PLXDC2: variants seen among roughly 807,000 people sequenced by gnomAD.
PLXDC2 encodes plexin domain-containing protein 2.
PLXDC2 carries 40 observed loss-of-function variants against 68.9 expected under a neutral mutation model. The ratio of observed to expected loss-of-function variants is 0.58; its 90% CI spans 0.45 to 0.76. The LOEUF is 0.76. Ranked by LOEUF, PLXDC2 falls within the 30% of genes least tolerant of loss-of-function variation. PLXDC2 has a pLI of 0.00. For synonymous variants in PLXDC2, 243 were observed against 234.2 expected, an observed-to-expected ratio of 1.04 and a Z score of -0.34; for missense variants, 644 against 661.9, an observed-to-expected ratio of 0.97 and a Z score of 0.30.
chr10:20,281,435 G>GGTCTCAAGAAGCAGAGAT lies in PLXDC2; in HGVS notation c.*1623_*1640dup, dbSNP rs1402760022. ...ACAGTGCTCAACATTTGCAGATTCA[G>GGTCTCAAGAAGCAGAGAT]GTCTCAAGAAGCAGAGATGTCTCAT... is the stretch of plus-strand genomic sequence containing the variant. On this transcript the variant is annotated 3_prime_UTR_variant, in exon 14 of 14. Transcript: ENST00000377252. The GGTCTCAAGAAGCAGAGAT allele has an allele frequency of 6.6e-6, 1 of 152,106 alleles. No homozygotes were observed. Among genetic ancestry groups the GGTCTCAAGAAGCAGAGAT allele is most frequent in the African/African-American group, 2.4e-5 (1 of 41,422 alleles). 9.4% of individuals were successfully genotyped at this position (152,106 alleles called of 1,614,324 possible).
intron 1 of PLXDC2, among the ~76,000 whole-genome samples, chr10:19,949,472 A>G (rs1394782114): frequency 6.6e-6 from 1 of 152,162 alleles, no homozygotes; most frequent in Non-Finnish European, 1.5e-5. Context: ...AAAACTACTA[A>G]TAGGAATAGG....
At chr10:20,042,924 T>A (rs1049411344) in intron 2 of PLXDC2, among the ~76,000 whole-genome samples, 2 of 152,208 alleles carry the variant, frequency 1.3e-5, no homozygotes, top group Non-Finnish European at 2.9e-5. Context: ...AACAGTTGGT[T>A]TCCTAAATGA....
At chr10:19,988,236 C>T (rs1217077395) in intron 1 of PLXDC2, among the ~76,000 whole-genome samples, 2 of 152,150 alleles carry the variant, frequency 1.3e-5, no homozygotes, top group Non-Finnish European at 2.9e-5. Flanking sequence ...TTGGAAAATA[C>T]CTGATATGTG....
At chr10:19,908,452 AAGT>A (rs138031239) in intron 1 of PLXDC2, among the ~76,000 whole-genome samples, 10,984 of 152,240 alleles carry the variant, frequency 0.072, 494 homozygotes, top group Non-Finnish European at 0.1. Context: ...GTACTGCTGA[AAGT>A]TTATATCTAA....
At chr10:19,873,971 C>T (rs1247012200) in intron 1 of PLXDC2, among the ~76,000 whole-genome samples, 1 of 152,080 alleles carries the variant, frequency 6.6e-6, no homozygotes, top group Non-Finnish European at 1.5e-5. Flanking sequence ...TTTCCATACT[C>T]TTAAAACTTC....
chr10:20,279,915 A>C lies in PLXDC2; in HGVS notation c.*96A>C. The C allele has an allele frequency of 2.2e-6, 2 of 889,538 alleles. No individual in the cohort carries two copies. The highest frequency in any genetic ancestry group is 3.7e-6 in the Non-Finnish European group (2 of 545,790). The allele number at this position is 889,538 out of a possible 1,614,324, so 55.1% of individuals were successfully genotyped here. On this transcript the variant is annotated 3_prime_UTR_variant, in exon 14 of 14. Transcript: ENST00000377252. Reference sequence around the variant, plus strand: ...AGACAAACAAACAAACACACACACAAACAAGCTCTAAGCTGCTGTAGCCTG... The same window carrying C: ...AGACAAACAAACAAACACACACACACACAAGCTCTAAGCTGCTGTAGCCTG...
At chr10:19,844,151 G>T in intron 1 of PLXDC2, among the ~76,000 whole-genome samples, 1 of 152,254 alleles carries the variant, frequency 6.6e-6, no homozygotes, top group Non-Finnish European at 1.5e-5. Context: ...TGTTCTCAAC[G>T]TCAATTACCT....
At chr10:19,839,550 G>A (rs1011978685) in intron 1 of PLXDC2, among the ~76,000 whole-genome samples, 1 of 151,882 alleles carries the variant, frequency 6.6e-6, no homozygotes, top group Non-Finnish European at 1.5e-5. Flanking sequence ...TATTAATTCT[G>A]TGTACTTGGG....
intron 13 of PLXDC2, 110 bp downstream of exon 13, chr10:20,245,615 C>A (rs748051844): frequency 6.2e-6 from 8 of 1,291,210 alleles, no homozygotes; most frequent in Non-Finnish European, 8.5e-6. Flanking sequence ...TTTTTCAGTT[C>A]AAGCTTTCTG....
intron 1 of PLXDC2, among the ~76,000 whole-genome samples, chr10:19,839,447 C>T (rs918985921): frequency 2.0e-5 from 3 of 152,216 alleles, no homozygotes; most frequent in East Asian, 1.9e-4. Flanking sequence ...CAATGTGGCC[C>T]AGGGAAGCCA....
At chr10:20,126,244 C>T (rs1018101854) in intron 4 of PLXDC2, among the ~76,000 whole-genome samples, 1 of 145,670 alleles carries the variant, frequency 6.9e-6, no homozygotes, top group Admixed American at 6.9e-5. Flanking sequence ...TTGTATAATA[C>T]ATATATACAT....
chr10:20,255,401 T>C lies in PLXDC2; in HGVS notation c.1473+9896T>C, dbSNP rs183104971. 3.7e-3 allele frequency among the ~76,000 whole-genome samples: 556 copies of C among 152,284 alleles called. 4 individuals carry two copies. Among genetic ancestry groups the C allele is most frequent in the Non-Finnish European group, 4.8e-3 (324 of 67,984 alleles). Reference sequence around the variant, plus strand: ...TTCTGTTACCTCTTGAAGAGACTACTCTACTGACAGTACCAACTGTTGAAT... The same window carrying C: ...TTCTGTTACCTCTTGAAGAGACTACCCTACTGACAGTACCAACTGTTGAAT... On this transcript the variant is annotated intron_variant, in intron 13 of 13. Coordinates refer to ENST00000377252, the MANE Select transcript of PLXDC2 (RefSeq NM_032812.9).
chr10:20,134,705 A>G (rs572156178), intron 4 of PLXDC2, among the ~76,000 whole-genome samples: 7 of 152,268 alleles, frequency 4.6e-5, no homozygotes, highest in South Asian at 2.1e-4. Context: ...AGGCCAAACT[A>G]CTTTGTACCG....
intron 4 of PLXDC2, among the ~76,000 whole-genome samples, chr10:20,138,428 G>A (rs898888952): frequency 2.6e-5 from 4 of 152,164 alleles, no homozygotes; most frequent in African/African-American, 9.7e-5. Flanking sequence ...TGTATCTTTT[G>A]TAAGGCTGGA....
At chr10:20,266,287 T>TA (rs140408642) in intron 13 of PLXDC2, among the ~76,000 whole-genome samples, 2,225 of 150,222 alleles carry the variant, frequency 0.015, 49 homozygotes, top group African/African-American at 0.05. Context: ...TTGAGCAAAG[T>TA]AAAATCAAAG....
intron 6 of PLXDC2, among the ~76,000 whole-genome samples, chr10:20,158,370 A>G (rs896214237): frequency 1.3e-4 from 18 of 143,990 alleles, no homozygotes; most frequent in African/African-American, 4.6e-4. Context: ...CTAAATAGCT[A>G]TACTTCTAAA....
chr10:19,923,665 A>G (rs184145491), intron 1 of PLXDC2, among the ~76,000 whole-genome samples: 7 of 152,334 alleles, frequency 4.6e-5, no homozygotes, highest in Admixed American at 4.6e-4. Context: ...TTCATGTGAA[A>G]AGATTGATTT....
chr10:20,001,556 C>G (rs1834938284), intron 1 of PLXDC2, among the ~76,000 whole-genome samples: 1 of 152,238 alleles, frequency 6.6e-6, no homozygotes, highest in African/African-American at 2.4e-5. Context: ...AAGATCTGCC[C>G]GTTAACCACT....
intron 6 of PLXDC2, among the ~76,000 whole-genome samples, chr10:20,163,525 T>C (rs1228540313): frequency 1.3e-5 from 2 of 152,166 alleles, no homozygotes; most frequent in African/African-American, 4.8e-5. Flanking sequence ...TCTAATATAT[T>C]ATTTAATGAA....
Sources: gnomAD v4.1 joint callset for allele counts (sites outside exome capture counted in the v4.1 genomes callset) on GRCh38, gnomAD v4.1.1 for gene constraint, MANE v1.5 for transcripts, NCBI Gene and HGNC (gene_info 2026-07-23, HGNC 2026-07-21) for gene names.